LMBRD2: variants seen among roughly 807,000 people sequenced by gnomAD.
LMBRD2 encodes the protein G protein-coupled receptor-associated protein LMBRD2.
Under a neutral mutation model 94.4 loss-of-function variants are expected in LMBRD2, and 55 were observed. The ratio of observed to expected loss-of-function variants is 0.58; its 90% CI spans 0.47 to 0.73. LMBRD2 has a LOEUF of 0.73. Ranked by LOEUF, LMBRD2 falls within the 30% of genes least tolerant of loss-of-function variation. LMBRD2 has a pLI of 0.00. For missense variants in LMBRD2, 640 were observed against 831.9 expected (o/e 0.77, Z 2.84); for synonymous variants, 246 against 272.4 (o/e 0.90, Z 0.95).
chr5:36,110,643 G>GT lies in LMBRD2; in HGVS notation c.1744+511dup, dbSNP rs965585095. 7.2e-5 allele frequency among the ~76,000 whole-genome samples: 11 copies of GT among 152,056 alleles called. No homozygotes were observed. In the Middle Eastern group the frequency reaches 0.01, roughly 141 times the overall value. ...TAAGAACCAATGTCCCAAAAGTCAAGTTTTTTTCCCTCCATGCTATCATCA... is the reference window on the plus strand; with the variant it reads ...TAAGAACCAATGTCCCAAAAGTCAAGTTTTTTTTCCCTCCATGCTATCATCA... On this transcript the variant is annotated intron_variant, in intron 14 of 17. Coordinates refer to ENST00000296603, the MANE Select transcript of LMBRD2 (RefSeq NM_001007527.2).
rs1038377642 is a variant in LMBRD2, at chr5:36,099,631, G to A, written c.*4415C>T. On this transcript the variant is annotated 3_prime_UTR_variant, in exon 18 of 18. Transcript: ENST00000296603. ...TTATGATTTTACCCTACATATGTCTGCAATAGTAAATCATTCTTTCTACTC... is the reference window on the plus strand; with the variant it reads ...TTATGATTTTACCCTACATATGTCTACAATAGTAAATCATTCTTTCTACTC... The A allele has an allele frequency of 6.6e-6, 1 of 152,028 alleles. No individual in the cohort carries two copies. The highest frequency in any genetic ancestry group is 2.4e-5 in the African/African-American group (1 of 41,424). The allele number at this position is 152,028 out of a possible 1,614,324, so 9.4% of individuals were successfully genotyped here. A position where few individuals can be genotyped will look rare whatever the true frequency, so the allele number is the denominator to read the frequency against.
chr5:36,147,648 G>A (rs757202547), intron 1 of LMBRD2, among the ~76,000 whole-genome samples: 8 of 152,178 alleles, frequency 5.3e-5, no homozygotes, highest in Non-Finnish European at 1.2e-4. Context: ...CACAATTAGC[G>A]TGTTAATGTT....
Position 36,136,437 on chromosome 5 carries a change from C to T in LMBRD2, c.619G>A (p.Val207Met). 2 of 1,614,028 alleles carry T rather than the reference C, an allele frequency of 1.2e-6. No individual in the cohort carries two copies. The highest frequency in any genetic ancestry group is 1.7e-6 in the Non-Finnish European group (2 of 1,179,952). ...LLVLLLGYGL[V>M]EIPRSYWNGA... ...TTCCAGTATGATCGAGGAATTTCCA[C>T]CAAGCCATACCCCAACAACAACACA... is the stretch of plus-strand genomic sequence containing the variant. The change falls in exon 6 of 18, where the codon GTG becomes ATG. Residue 207 changes from valine (V) to methionine (M), a missense_variant. By Grantham distance (21) the Val-to-Met change is conservative. This residue lies in a region of LMBRD2 where 457 missense variants were observed against 642.8 expected (regional missense o/e 0.71). Transcript: ENST00000296603.
chr5:36,150,846 C>T (rs1744682042), intron 1 of LMBRD2, among the ~76,000 whole-genome samples: 1 of 152,192 alleles, frequency 6.6e-6, no homozygotes, highest in Non-Finnish European at 1.5e-5. Flanking sequence ...CAAGCATATA[C>T]CTGCACAAGG....
At chr5:36,108,994 A>C (rs1020296127) in intron 15 of LMBRD2, among the ~76,000 whole-genome samples, 8 of 152,192 alleles carry the variant, frequency 5.3e-5, no homozygotes, top group African/African-American at 1.7e-4. Flanking sequence ...CTTTCACTCA[A>C]ATAAACTACA....
At chr5:36,139,183 AT>A (rs1365124716) in intron 4 of LMBRD2, among the ~76,000 whole-genome samples, 4 of 152,178 alleles carry the variant, frequency 2.6e-5, no homozygotes, top group Non-Finnish European at 5.9e-5. Context: ...ACCTGCTCTG[AT>A]TTTGGAGAAA....
rs1744464373 is a variant in LMBRD2, at chr5:36,143,371, T to A, written c.-22A>T. On this transcript the variant is annotated 5_prime_UTR_variant, in exon 2 of 18. An upstream open reading frame in the 5' UTR loses its in-frame stop. Coordinates refer to ENST00000296603, the MANE Select transcript of LMBRD2 (RefSeq NM_001007527.2). ...TCATTATTGAATATTTCACTCTGAC[T>A]AACCAAAGTTATTCATGTACAGGTC... 6.3e-7 allele frequency: 1 copy of A among 1,596,348 alleles called. No homozygotes were observed. Among genetic ancestry groups the A allele is most frequent in the African/African-American group, 1.3e-5 (1 of 74,284 alleles).
Position 36,108,639 on chromosome 5 carries a change from C to G in LMBRD2, c.1792G>C (p.Glu598Gln), listed in dbSNP as rs1581040967. 4.1e-6 allele frequency: 6 copies of G among 1,449,908 alleles called. No individual in the cohort carries two copies. Among genetic ancestry groups the G allele is most frequent in the Non-Finnish European group, 4.7e-6 (5 of 1,060,746 alleles). 89.8% of individuals were successfully genotyped at this position (1,449,908 alleles called of 1,614,324 possible). ...TTGTGTCCATAACGTTCTTTCCATT[C>G]CTAGAAAAGAAGCACAAATAATCAT... is the stretch of plus-strand genomic sequence containing the variant. ...RQEEGENRRR[E>Q]WKERYGHNRE... is the part of the protein sequence containing the mutation. Residue 598 changes from glutamate (E) to glutamine (Q), a missense_variant and splice_region_variant, in exon 16 of 18, where the codon GAA (glutamate) becomes CAA (glutamine). Glu to Gln is a conservative substitution (Grantham distance 29, BLOSUM62 2). This residue lies in a region of LMBRD2 where 183 missense variants were observed against 189.1 expected (regional missense o/e 0.97). Transcript: ENST00000296603.
intron 9 of LMBRD2, among the ~76,000 whole-genome samples, chr5:36,119,899 T>C (rs908840052): frequency 2.0e-5 from 3 of 152,198 alleles, no homozygotes; most frequent in Admixed American, 6.5e-5. Flanking sequence ...ATTCTCTTCA[T>C]TGTTCACTAT....
intron 3 of LMBRD2, among the ~76,000 whole-genome samples, chr5:36,141,632 T>C (rs1030005292): frequency 6.6e-6 from 1 of 151,990 alleles, no homozygotes; most frequent in African/African-American, 2.4e-5. Flanking sequence ...AAACATTAGG[T>C]AATTAATTCC....
intron 12 of LMBRD2, 147 bp downstream of exon 12, chr5:36,114,868 T>C: frequency 1.6e-6 from 1 of 615,838 alleles, no homozygotes; most frequent in South Asian, 2.2e-5. Flanking sequence ...TTTTATCTAG[T>C]CAATAGTAAT....
At chr5:36,144,489 C>G (rs780804875) in intron 1 of LMBRD2, among the ~76,000 whole-genome samples, 24 of 152,074 alleles carry the variant, frequency 1.6e-4, no homozygotes, top group Non-Finnish European at 2.5e-4. Context: ...TCATGACCAG[C>G]CTGGGCCAAC....
chr5:36,126,357 C>G (rs1302001853), intron 6 of LMBRD2, among the ~76,000 whole-genome samples: 2 of 152,088 alleles, frequency 1.3e-5, no homozygotes, highest in Admixed American at 1.3e-4. Flanking sequence ...TTTGCTATAT[C>G]TATTATAAAT....
chr5:36,143,879 C>T lies in LMBRD2; in HGVS notation c.-57-473G>A, dbSNP rs567670061. Reference sequence around the variant, plus strand: ...TTTCTAAAAGAGAGGAAGGAAAAAACGGAAAGAGACCATTTAAAAGTAACC... The same window carrying T: ...TTTCTAAAAGAGAGGAAGGAAAAAATGGAAAGAGACCATTTAAAAGTAACC... On this transcript the variant is annotated intron_variant, in intron 1 of 17. Transcript: ENST00000296603. Among the ~76,000 whole-genome samples the T allele has an allele frequency of 4.2e-4, 64 of 151,846 alleles. No homozygotes were observed. In the South Asian group the frequency reaches 6.0e-3, roughly 14 times the overall value.
intron 10 of LMBRD2, 93 bp downstream of exon 10, chr5:36,117,642 T>C (rs1743789184): frequency 3.3e-6 from 3 of 921,942 alleles, no homozygotes; most frequent in Non-Finnish European, 4.7e-6. Flanking sequence ...ACCTCACTGC[T>C]TTCATTTTTA....
At chr5:36,107,762 C>A (rs904309110) in intron 16 of LMBRD2, among the ~76,000 whole-genome samples, 15 of 152,260 alleles carry the variant, frequency 9.9e-5, no homozygotes, top group African/African-American at 3.6e-4. Flanking sequence ...GTTTCTATTC[C>A]TCCTCCAACA....
chr5:36,133,694 G>C (rs76336101), intron 6 of LMBRD2, among the ~76,000 whole-genome samples: 2 of 152,182 alleles, frequency 1.3e-5, no homozygotes, highest in South Asian at 2.1e-4. Flanking sequence ...CATTTTTAAA[G>C]AGCAGTTTCT....
chr5:36,138,700 C>T (rs1744331533), intron 4 of LMBRD2, among the ~76,000 whole-genome samples: 1 of 152,192 alleles, frequency 6.6e-6, no homozygotes, highest in South Asian at 2.1e-4. Context: ...CGAACTTATG[C>T]TTCAATTTTA....
chr5:36,128,635 G>C (rs1264815203), intron 6 of LMBRD2, among the ~76,000 whole-genome samples: 1 of 152,140 alleles, frequency 6.6e-6, no homozygotes, highest in Non-Finnish European at 1.5e-5. Context: ...TGACGTGAGA[G>C]GATGACTTGA....
Sources: gnomAD v4.1 joint callset for allele counts (sites outside exome capture counted in the v4.1 genomes callset) on GRCh38, gnomAD v4.1.1 for gene constraint, gnomAD v4.1.1 regional missense constraint, MANE v1.5 for transcripts, NCBI Gene and HGNC (gene_info 2026-07-23, HGNC 2026-07-21) for gene names.